Variants in SGPL1 observed in about 807,000 individuals in gnomAD.
SGPL1 encodes the protein SP-lyase 1.
A neutral mutation model predicts 68.9 loss-of-function variants in SGPL1; 37 were observed. The ratio of observed to expected loss-of-function variants is 0.54; its 90% CI spans 0.41 to 0.71. The LOEUF (loss-of-function observed/expected upper bound fraction) is 0.71, where lower values mean the gene tolerates loss of function less well. Ranked by LOEUF, SGPL1 falls within the 30% of genes least tolerant of loss-of-function variation. The pLI is 0.00. For synonymous variants in SGPL1, 236 were observed against 248.5 expected, an observed-to-expected ratio of 0.95 and a Z score of 0.47; for missense variants, 551 against 704.6, an observed-to-expected ratio of 0.78 and a Z score of 2.47.
intron 11 of SGPL1, among the ~76,000 whole-genome samples, chr10:70,872,525 T>G (rs1846314360): frequency 1.3e-5 from 2 of 152,198 alleles, no homozygotes; most frequent in South Asian, 4.1e-4. Context: ...TGAGACAAAG[T>G]CTAGATCAGT....
rs145259998 is a variant in SGPL1 at position 70,873,465 on chromosome 10, A to G, written c.1174A>G (p.Ile392Val). ...GGGTGGCATCTATGCTTCCCCAACC[A>G]TCGCAGGCTCACGGCCTGGTGGCAT... is the stretch of plus-strand genomic sequence containing the variant. ...WQGGIYASPT[I>V]AGSRPGGISA... Residue 392 changes from isoleucine (I) to valine (V), a missense_variant, in exon 12 of 15, where the codon ATC becomes GTC. Coordinates refer to ENST00000373202, the MANE Select transcript of SGPL1 (RefSeq NM_003901.4). 3.6e-5 allele frequency: 58 copies of G among 1,614,130 alleles called. No homozygotes were observed. The highest frequency in any genetic ancestry group is 4.7e-5 in the Non-Finnish European group (56 of 1,180,046).
chr10:70,826,970 T>C (rs1472942830), intron 2 of SGPL1, among the ~76,000 whole-genome samples: 1 of 152,248 alleles, frequency 6.6e-6, no homozygotes, highest in Non-Finnish European at 1.5e-5. Flanking sequence ...TTTGAGGCTT[T>C]TTCAAACATT....
chr10:70,866,175 C>T (rs1206943083), intron 7 of SGPL1: 2 of 152,032 alleles, frequency 1.3e-5, no homozygotes, highest in African/African-American at 2.4e-5. Context: ...TCGCTCGAGC[C>T]CAGGAATTCG....
At chr10:70,824,419 G>A (rs1340787529) in intron 2 of SGPL1, among the ~76,000 whole-genome samples, 1 of 152,108 alleles carries the variant, frequency 6.6e-6, no homozygotes, top group East Asian at 1.9e-4. Context: ...AGTGATTAGC[G>A]ACCACAATTT....
At chr10:70,832,576 C>G (rs1265791633) in intron 2 of SGPL1, among the ~76,000 whole-genome samples, 2 of 152,138 alleles carry the variant, frequency 1.3e-5, no homozygotes, top group African/African-American at 4.8e-5. Context: ...GTGAGAAATA[C>G]GGGATCTTTT....
At chr10:70,840,458 T>C (rs1845697186) in intron 2 of SGPL1, among the ~76,000 whole-genome samples, 1 of 152,086 alleles carries the variant, frequency 6.6e-6, no homozygotes, top group Non-Finnish European at 1.5e-5. Flanking sequence ...GGAGATAGGA[T>C]ACCTTATGCC....
At chr10:70,838,629 C>G (rs148211194) in intron 2 of SGPL1, among the ~76,000 whole-genome samples, 1 of 152,350 alleles carries the variant, frequency 6.6e-6, no homozygotes, top group East Asian at 1.9e-4. Flanking sequence ...CTGTATTACA[C>G]AACCACATTC....
chr10:70,830,876 GAA>G, intron 2 of SGPL1, among the ~76,000 whole-genome samples: 1 of 152,086 alleles, frequency 6.6e-6, no homozygotes, highest in South Asian at 2.1e-4. Flanking sequence ...AACATATGTT[GAA>G]GATTTTATTT....
intron 2 of SGPL1, among the ~76,000 whole-genome samples, chr10:70,833,731 C>T (rs1206961305): frequency 1.3e-5 from 2 of 152,126 alleles, no homozygotes; most frequent in African/African-American, 4.8e-5. Context: ...TAACTTCACT[C>T]CCTAGGCTGA....
intron 4 of SGPL1, among the ~76,000 whole-genome samples, chr10:70,854,466 C>T (rs897384080): frequency 2.0e-5 from 3 of 152,136 alleles, no homozygotes; most frequent in Non-Finnish European, 2.9e-5. Context: ...TAAGCCACCG[C>T]GACCGGCTGA....
chr10:70,823,172 C>A (rs926644558), intron 2 of SGPL1, among the ~76,000 whole-genome samples: 6 of 151,904 alleles, frequency 3.9e-5, no homozygotes, highest in African/African-American at 1.5e-4. Flanking sequence ...CTCTCTCACT[C>A]TCTCTGGCTC....
At chr10:70,828,384 C>T (rs960602341) in intron 2 of SGPL1, among the ~76,000 whole-genome samples, 1 of 152,056 alleles carries the variant, frequency 6.6e-6, no homozygotes, top group Non-Finnish European at 1.5e-5. Context: ...TGCGGTGGTG[C>T]GATCATGGCT....
chr10:70,820,846 T>C (rs571940111), intron 2 of SGPL1, among the ~76,000 whole-genome samples: 1 of 152,350 alleles, frequency 6.6e-6, no homozygotes, highest in East Asian at 1.9e-4. Flanking sequence ...TTAAAACTTG[T>C]ATCTGCAGGC....
rs142030917 is a variant in SGPL1, at chr10:70,852,093, G to A, written c.261+883G>A. On this transcript the variant is annotated intron_variant, in intron 4 of 14. Transcript: ENST00000373202. ...CTCTAAGGAAGGCATATGAGTCCTT[G>A]GAATCTTCATCTCCTCCAGTGCCCT... Among the ~76,000 whole-genome samples the A allele has an allele frequency of 5.0e-3, 767 of 152,280 alleles. 5 individuals are homozygous for A. Among genetic ancestry groups the A allele is most frequent in the African/African-American group, 0.017 (688 of 41,552 alleles).
intron 5 of SGPL1, chr10:70,857,139 A>T (rs762223234): frequency 4.7e-5 from 8 of 170,668 alleles, no homozygotes; most frequent in Non-Finnish European, 5.0e-5. Flanking sequence ...ATCTCTGATG[A>T]TAGTGTGCTG....
At chr10:70,853,217 T>C (rs1845914562) in intron 4 of SGPL1, among the ~76,000 whole-genome samples, 1 of 152,190 alleles carries the variant, frequency 6.6e-6, no homozygotes, top group South Asian at 2.1e-4. Flanking sequence ...TCCCTGCCAG[T>C]GTGGGCCTCT....
Position 70,854,711 on chromosome 10 carries a change from C to G in SGPL1, c.265C>G (p.Gln89Glu), listed in dbSNP as rs1845936617. 3 of 1,607,514 alleles carry G rather than the reference C, an allele frequency of 1.9e-6. No individual in the cohort carries two copies. Among genetic ancestry groups the G allele is most frequent in the South Asian group, 1.1e-5 (1 of 89,576 alleles). ...TTTGTCTTTCTTACCTTTGGAGATT[C>G]AAGACAAGTTGAACAAGACCAAGGA... ...RKMPIIGRKI[Q>E]DKLNKTKDDI... Residue 89 changes from glutamine (Q) to glutamate (E), a missense_variant, in exon 5 of 15, where the codon CAA (glutamine) becomes GAA (glutamate). Coordinates refer to ENST00000373202, the MANE Select transcript of SGPL1 (RefSeq NM_003901.4).
At chr10:70,821,763 C>G (rs1043519554) in intron 2 of SGPL1, among the ~76,000 whole-genome samples, 1 of 152,068 alleles carries the variant, frequency 6.6e-6, no homozygotes, top group African/African-American at 2.4e-5. Context: ...TCTGTGTAGT[C>G]TATGCTTTCA....
At chr10:70,827,428 G>T (rs888767263) in intron 2 of SGPL1, among the ~76,000 whole-genome samples, 1 of 152,180 alleles carries the variant, frequency 6.6e-6, no homozygotes, top group East Asian at 1.9e-4. Flanking sequence ...GGTGCATTCA[G>T]ATTTAAAATT....
Sources: allele counts gnomAD v4.1 joint callset (sites outside exome capture counted in the v4.1 genomes callset), GRCh38; gene constraint gnomAD v4.1.1; transcripts MANE v1.5; gene names NCBI Gene and HGNC (gene_info 2026-07-23, HGNC 2026-07-21).